MTMR3: variants seen among roughly 807,000 people sequenced by gnomAD.
MTMR3 encodes the protein phosphatidylinositol-3,5-bisphosphate 3-phosphatase MTMR3.
Under a neutral mutation model 132.4 loss-of-function variants are expected in MTMR3, and 32 were observed. The ratio of observed to expected loss-of-function variants is 0.24; its 90% CI spans 0.18 to 0.32. The LOEUF (loss-of-function observed/expected upper bound fraction) is 0.32. Ranked by LOEUF, MTMR3 falls within the 10% of genes least tolerant of loss-of-function variation. The pLI is 1.00. For synonymous variants in MTMR3, 556 were observed against 550.3 expected, an observed-to-expected ratio of 1.01 and a Z score of -0.14; for missense variants, 1,216 against 1,489.6, an observed-to-expected ratio of 0.82 and a Z score of 3.02.
intron 1 of MTMR3, among the ~76,000 whole-genome samples, chr22:29,918,742 G>A (rs960550158): frequency 5.3e-5 from 8 of 152,188 alleles, no homozygotes; most frequent in African/African-American, 1.7e-4. Flanking sequence ...TTCACTAGGG[G>A]TTTTATCATA....
intron 18 of MTMR3, 72 bp from the exon 19 acceptor site, chr22:30,022,537 C>A: frequency 2.2e-6 from 3 of 1,356,094 alleles, no homozygotes; most frequent in Non-Finnish European, 3.1e-6. Flanking sequence ...CTTGCTGCCC[C>A]CAGCATGGCT....
chr22:30,021,898 C>A, intron 17 of MTMR3, 131 bp from the exon 18 acceptor site: 1 of 670,966 alleles, frequency 1.5e-6, no homozygotes, highest in Non-Finnish European at 2.7e-6. Context: ...ATGGCTGATG[C>A]ATCTGCAGAT....
At chr22:29,897,643 G>A (rs572757767) in intron 1 of MTMR3, among the ~76,000 whole-genome samples, 1 of 152,066 alleles carries the variant, frequency 6.6e-6, no homozygotes, top group South Asian at 2.1e-4. Flanking sequence ...AGTAGAGACA[G>A]GGTTTCACTA....
chr22:29,961,179 C>T (rs1228268760), intron 2 of MTMR3, among the ~76,000 whole-genome samples: 1 of 151,902 alleles, frequency 6.6e-6, no homozygotes, highest in Non-Finnish European at 1.5e-5. Flanking sequence ...CCTCTGCAAC[C>T]CTTCCCCCAA....
At chr22:29,977,761 C>T (rs138406704) in intron 3 of MTMR3, among the ~76,000 whole-genome samples, 1 of 152,294 alleles carries the variant, frequency 6.6e-6, no homozygotes, top group East Asian at 1.9e-4. Flanking sequence ...TCAAATGTCA[C>T]CTTTCATTTT....
intron 1 of MTMR3, among the ~76,000 whole-genome samples, chr22:29,945,240 A>C (rs1287560330): frequency 6.6e-6 from 1 of 152,170 alleles, no homozygotes; most frequent in East Asian, 1.9e-4. Context: ...CCTAGGCTCC[A>C]GCAGTTCTCC....
intron 1 of MTMR3, among the ~76,000 whole-genome samples, chr22:29,943,200 CT>C (rs1021777358): frequency 3.4e-5 from 5 of 148,684 alleles, no homozygotes; most frequent in African/African-American, 2.5e-5. Flanking sequence ...TTCTTTTTTT[CT>C]TTTTTTTTTG....
chr22:29,967,532 T>C (rs2055392030), intron 2 of MTMR3, among the ~76,000 whole-genome samples: 1 of 151,362 alleles, frequency 6.6e-6, no homozygotes, highest in Non-Finnish European at 1.5e-5. Flanking sequence ...GCACATGGCT[T>C]CTGTATTTTT....
At chr22:29,918,422 A>G (rs2065348626) in intron 1 of MTMR3, among the ~76,000 whole-genome samples, 1 of 152,238 alleles carries the variant, frequency 6.6e-6, no homozygotes, top group Non-Finnish European at 1.5e-5. Flanking sequence ...GATAGCAGGT[A>G]GTAGCTCTCT....
intron 9 of MTMR3, chr22:30,003,486 C>G (rs1486268991): frequency 6.6e-6 from 1 of 151,888 alleles, no homozygotes; most frequent in Non-Finnish European, 1.5e-5. Flanking sequence ...TTTCAGTGAT[C>G]AGAGGCATGA....
intron 8 of MTMR3, chr22:30,001,940 T>G (rs1300523823): frequency 6.6e-6 from 1 of 152,198 alleles, no homozygotes; most frequent in Non-Finnish European, 1.5e-5. Flanking sequence ...AGCCATTTTG[T>G]GTTTTTCTGC....
intron 5 of MTMR3, chr22:29,987,618 AG>A (rs1448306365): frequency 6.6e-6 from 1 of 152,174 alleles, no homozygotes; most frequent in Non-Finnish European, 1.5e-5. Flanking sequence ...GGATAGGAGG[AG>A]GATCCTCATA....
intron 3 of MTMR3, among the ~76,000 whole-genome samples, chr22:29,975,432 A>G (rs1210783662): frequency 1.3e-5 from 2 of 152,222 alleles, no homozygotes; most frequent in African/African-American, 2.4e-5. Context: ...AAATTCTCAT[A>G]TCTACTTCGG....
chr22:29,945,230 C>T (rs1452694827), intron 1 of MTMR3, among the ~76,000 whole-genome samples: 2 of 152,118 alleles, frequency 1.3e-5, no homozygotes, highest in Non-Finnish European at 1.5e-5. Flanking sequence ...GTCTCGAACT[C>T]CTAGGCTCCA....
intron 1 of MTMR3, among the ~76,000 whole-genome samples, chr22:29,928,391 C>T (rs1417332650): frequency 3.3e-5 from 5 of 151,860 alleles, no homozygotes; most frequent in East Asian, 1.9e-4. Flanking sequence ...ATGTTGGTCT[C>T]GAACTCCTGA....
chr22:29,951,216 A>G (rs935019237), intron 1 of MTMR3, among the ~76,000 whole-genome samples: 2 of 152,188 alleles, frequency 1.3e-5, no homozygotes, highest in Non-Finnish European at 2.9e-5. Context: ...ATCAGAACAT[A>G]TACTTTTATA....
At chr22:29,970,935 C>CTTTT (rs34749290) in intron 2 of MTMR3, 41 bp from the exon 3 acceptor site, 354 of 444,036 alleles carry the variant, frequency 8.0e-4, no homozygotes, top group East Asian at 2.2e-3. Context: ...CTCCCCTCCT[C>CTTTT]TTTTTTTTTT....
At chr22:30,007,471 C>T in intron 10 of MTMR3, 152 bp downstream of exon 10, 2 of 745,428 alleles carry the variant, frequency 2.7e-6, no homozygotes, top group African/African-American at 1.8e-5. Context: ...AGTCATGGGT[C>T]TTGGCAGAGA....
rs2067463050 is a variant in MTMR3 at position 30,012,684 on chromosome 22, A to AT, written c.1317+123dup. 3 of 1,121,204 alleles carry AT rather than the reference A, an allele frequency of 2.7e-6. No homozygotes were observed. In the East Asian group the frequency reaches 7.4e-5, roughly 28 times the overall value. 69.5% of individuals were successfully genotyped at this position (1,121,204 alleles called of 1,614,324 possible). ...AGAAAGTGAAATTTCTGTTTTGGTCATTGTTCCTTTATGCCATGAGCTAAA... is the reference window on the plus strand; with the variant it reads ...AGAAAGTGAAATTTCTGTTTTGGTCATTTGTTCCTTTATGCCATGAGCTAAA... On this transcript the variant is annotated intron_variant, in intron 13 of 19. Coordinates refer to ENST00000401950, the MANE Select transcript of MTMR3 (RefSeq NM_021090.4).
Sources: allele counts gnomAD v4.1 joint callset (sites outside exome capture counted in the v4.1 genomes callset), GRCh38; gene constraint gnomAD v4.1.1; transcripts MANE v1.5; gene names NCBI Gene and HGNC (gene_info 2026-07-23, HGNC 2026-07-21).